The following MAGI2 variants were observed in gnomAD, a reference collection of about 807,000 sequenced individuals.
MAGI2 encodes the protein membrane associated guanylate kinase, WW and PDZ domain containing 2.
A neutral mutation model predicts 133.3 loss-of-function variants in MAGI2; 35 were observed. That is an observed-to-expected ratio of 0.26 (90% CI 0.20 to 0.35). MAGI2 has a LOEUF of 0.35. MAGI2 is among the 10% of genes least tolerant of loss of function. The pLI is 1.00. For missense variants in MAGI2, 1,636 were observed against 1,863.4 expected (o/e 0.88, Z 2.25); for synonymous variants, 729 against 710.6 (o/e 1.03, Z -0.41).
intron 2 of MAGI2, among the ~76,000 whole-genome samples, chr7:78,698,372 G>A (rs1439799742): frequency 6.6e-6 from 1 of 152,078 alleles, no homozygotes; most frequent in African/African-American, 2.4e-5. Context: ...TTACAACAAA[G>A]GTCCACAACA....
chr7:79,430,440 A>T (rs1440146969), intron 1 of MAGI2, among the ~76,000 whole-genome samples: 2 of 152,236 alleles, frequency 1.3e-5, no homozygotes, highest in East Asian at 3.8e-4. Flanking sequence ...GTTCTTATCA[A>T]GTCCTTTGTG....
At chr7:79,015,447 C>A (rs1008922325) in intron 1 of MAGI2, among the ~76,000 whole-genome samples, 1 of 152,128 alleles carries the variant, frequency 6.6e-6, no homozygotes, top group Non-Finnish European at 1.5e-5. Flanking sequence ...ACACAGAACA[C>A]CTTGCCCAAA....
chr7:79,168,630 T>C (rs1825180195), intron 1 of MAGI2, among the ~76,000 whole-genome samples: 2 of 152,046 alleles, frequency 1.3e-5, no homozygotes, highest in African/African-American at 4.8e-5. Context: ...TGTTAAACAG[T>C]GTAGGTCAGT....
chr7:79,002,138 T>C (rs1288775876), intron 2 of MAGI2, among the ~76,000 whole-genome samples: 2 of 150,526 alleles, frequency 1.3e-5, no homozygotes, highest in South Asian at 2.1e-4. Flanking sequence ...CTTCTTCTTT[T>C]TTTTTTTTTT....
intron 6 of MAGI2, among the ~76,000 whole-genome samples, chr7:78,435,451 C>G (rs1392358701): frequency 4.6e-5 from 7 of 152,130 alleles, no homozygotes; most frequent in Non-Finnish European, 1.0e-4. Flanking sequence ...GTGGACAGCT[C>G]TCTGCCAGTT....
chr7:78,152,185 T>G (rs1823945747), intron 16 of MAGI2, among the ~76,000 whole-genome samples: 1 of 152,164 alleles, frequency 6.6e-6, no homozygotes, highest in African/African-American at 2.4e-5. Flanking sequence ...CTGTGAAGAT[T>G]AAATATGGTG....
chr7:78,536,614 G>T (rs939819240), intron 3 of MAGI2, among the ~76,000 whole-genome samples: 3 of 152,090 alleles, frequency 2.0e-5, no homozygotes, highest in African/African-American at 4.8e-5. Context: ...AGCAGCTTGT[G>T]CTTGAAGAAC....
At chr7:79,212,840 T>G (rs1235497860) in intron 1 of MAGI2, among the ~76,000 whole-genome samples, 7 of 152,102 alleles carry the variant, frequency 4.6e-5, no homozygotes, top group African/African-American at 1.7e-4. Flanking sequence ...TAGTTCTTCC[T>G]GGCTTTGGTG....
intron 2 of MAGI2, among the ~76,000 whole-genome samples, chr7:78,808,690 C>T (rs2245766): frequency 0.45 from 69,001 of 152,156 alleles, 16,426 homozygotes; most frequent in South Asian, 0.56. Flanking sequence ...AAACGCACTT[C>T]ACGGAAATGA....
intron 1 of MAGI2, among the ~76,000 whole-genome samples, chr7:79,160,528 C>A (rs1183024660): frequency 6.6e-6 from 1 of 152,024 alleles, no homozygotes; most frequent in Admixed American, 6.6e-5. Context: ...AAAATAACCC[C>A]TTTAAGAACA....
At chr7:78,382,870 T>C (rs1232271520) in intron 6 of MAGI2, among the ~76,000 whole-genome samples, 1 of 152,080 alleles carries the variant, frequency 6.6e-6, no homozygotes, top group Non-Finnish European at 1.5e-5. Context: ...ATTTGTCTTT[T>C]TGTGCTGGCT....
intron 14 of MAGI2, among the ~76,000 whole-genome samples, chr7:78,168,499 T>C (rs1019554702): frequency 6.6e-5 from 10 of 152,182 alleles, no homozygotes; most frequent in African/African-American, 2.2e-4. Flanking sequence ...CGAATACCCT[T>C]AAGGAAAATT....
chr7:78,952,723 C>T (rs1027618851), intron 2 of MAGI2, among the ~76,000 whole-genome samples: 11 of 152,240 alleles, frequency 7.2e-5, no homozygotes, highest in East Asian at 3.9e-4. Context: ...GGTTCCCATA[C>T]GCAGACTTTT....
chr7:79,154,961 A>T (rs1219046025), intron 1 of MAGI2, among the ~76,000 whole-genome samples: 3 of 152,194 alleles, frequency 2.0e-5, no homozygotes, highest in Non-Finnish European at 4.4e-5. Context: ...TTCACACTAT[A>T]TTCTCCTTTT....
Position 78,557,101 on chromosome 7 carries a change from GAA to G in MAGI2, c.539-35458_539-35457del, listed in dbSNP as rs1227670617. ...GTCTCAAAAAAAAAAAAAAAAAAAA[GAA>G]AAAGAAAAAAAAAGAATTTCACAGG... On this transcript the variant is annotated intron_variant, in intron 3 of 21. Transcript: ENST00000354212. 5.8e-3 allele frequency among the ~76,000 whole-genome samples: 573 copies of G among 99,392 alleles called. 17 individuals carry two copies. Among genetic ancestry groups the G allele is most frequent in the African/African-American group, 0.025 (547 of 22,078 alleles). The allele number at this position is 99,392 out of a possible 152,430, so 65.2% of individuals were successfully genotyped here.
intron 2 of MAGI2, among the ~76,000 whole-genome samples, chr7:78,892,243 T>C (rs999160339): frequency 2.0e-5 from 3 of 152,168 alleles, no homozygotes; most frequent in African/African-American, 7.2e-5. Context: ...TACAAACATA[T>C]GGAAGAACAT....
intron 5 of MAGI2, among the ~76,000 whole-genome samples, chr7:78,492,835 A>T (rs549771238): frequency 2.1e-4 from 32 of 152,352 alleles, no homozygotes; most frequent in African/African-American, 7.5e-4. Context: ...ACATACACAT[A>T]CATAGGCTAC....
At chr7:78,163,283 G>A (rs1004067312) in intron 15 of MAGI2, among the ~76,000 whole-genome samples, 10 of 151,978 alleles carry the variant, frequency 6.6e-5, no homozygotes, top group Non-Finnish European at 1.3e-4. Flanking sequence ...GACTACAGGC[G>A]TCCGCCACCA....
chr7:78,117,013 AG>A (rs1819932752), intron 20 of MAGI2, among the ~76,000 whole-genome samples: 3 of 151,648 alleles, frequency 2.0e-5, no homozygotes, highest in South Asian at 2.1e-4. Flanking sequence ...ATAATTATTT[AG>A]AAACATAATT....
Sources: gnomAD v4.1 joint callset for allele counts (sites outside exome capture counted in the v4.1 genomes callset) on GRCh38, gnomAD v4.1.1 for gene constraint, MANE v1.5 for transcripts, NCBI Gene and HGNC (gene_info 2026-07-23, HGNC 2026-07-21) for gene names.